MALRD1: variants seen among roughly 807,000 people sequenced by gnomAD.
MALRD1 encodes MAM and LDL receptor class A domain containing 1.
MALRD1 carries 247 observed loss-of-function variants against 242.1 expected under a neutral mutation model. The observed-to-expected ratio is 1.02, with a 90% CI of 0.92 to 1.13. The LOEUF (loss-of-function observed/expected upper bound fraction) is 1.13. Among genes scored for constraint, MALRD1 ranks in the 50% most tolerant of loss-of-function variants. MALRD1 has a pLI of 0.00. For synonymous variants in MALRD1, 995 were observed against 866.6 expected, an observed-to-expected ratio of 1.15 and a Z score of -2.60; for missense variants, 2,989 against 2,533.1, an observed-to-expected ratio of 1.18 and a Z score of -3.86.
chr10:19,341,768 T>C (rs1214324082), intron 24 of MALRD1, among the ~76,000 whole-genome samples: 1 of 152,036 alleles, frequency 6.6e-6, no homozygotes, highest in Non-Finnish European at 1.5e-5. Flanking sequence ...ATATGCGATG[T>C]AACTGAAGGA....
intron 10 of MALRD1, among the ~76,000 whole-genome samples, chr10:19,141,940 A>T (rs1833557888): frequency 6.6e-6 from 1 of 151,986 alleles, no homozygotes; most frequent in Admixed American, 6.6e-5. Flanking sequence ...TGGGAGGCCG[A>T]GGCGGGTGGA....
At chr10:19,689,081 T>G (rs1842717048) in intron 36 of MALRD1, among the ~76,000 whole-genome samples, 2 of 152,188 alleles carry the variant, frequency 1.3e-5, no homozygotes, top group African/African-American at 4.8e-5. Flanking sequence ...GGAGATAATT[T>G]CTAAAAATAA....
intron 26 of MALRD1, among the ~76,000 whole-genome samples, chr10:19,365,826 A>C (rs1281796078): frequency 2.6e-5 from 4 of 152,018 alleles, no homozygotes; most frequent in Non-Finnish European, 5.9e-5. Flanking sequence ...TATAAATTCA[A>C]CTCCACCAAA....
intron 28 of MALRD1, among the ~76,000 whole-genome samples, chr10:19,448,775 GTTAC>G (rs981773613): frequency 6.6e-6 from 1 of 151,686 alleles, no homozygotes; most frequent in African/African-American, 2.4e-5. Context: ...AATCATAGTT[GTTAC>G]TTATATAATA....
intron 14 of MALRD1, among the ~76,000 whole-genome samples, chr10:19,188,626 C>A: frequency 6.6e-6 from 1 of 152,032 alleles, no homozygotes. Flanking sequence ...TACGGAGCTA[C>A]CTTGTTTAAT....
intron 32 of MALRD1, among the ~76,000 whole-genome samples, chr10:19,540,988 T>G (rs1834943177): frequency 6.6e-6 from 1 of 152,042 alleles, no homozygotes; most frequent in African/African-American, 2.4e-5. Flanking sequence ...AAAATGAAAC[T>G]AATTAAGTGG....
intron 31 of MALRD1, among the ~76,000 whole-genome samples, chr10:19,510,038 G>C (rs1490776149): frequency 6.6e-6 from 1 of 152,142 alleles, no homozygotes; most frequent in East Asian, 1.9e-4. Context: ...GGACAATAGG[G>C]TAATAGTGGA....
At chr10:19,395,575 T>A (rs1263351624) in intron 28 of MALRD1, among the ~76,000 whole-genome samples, 4 of 152,170 alleles carry the variant, frequency 2.6e-5, no homozygotes, top group African/African-American at 9.7e-5. Context: ...AGGTTTTCCC[T>A]AAGCAGTTCC....
In MALRD1 at chr10:19,086,865, T is replaced by G. The variant is rs1835685512; in HGVS notation, c.341-975T>G. On this transcript the variant is annotated intron_variant, in intron 2 of 39. Coordinates refer to ENST00000454679, the MANE Select transcript of MALRD1 (RefSeq NM_001142308.3). ...AGAATGTTTCTGTGTCTCTTTGTCT[T>G]GCTTATCTGAGAGGGAGAGTTTTGT... 2.0e-5 allele frequency among the ~76,000 whole-genome samples: 3 copies of G among 152,032 alleles called. No individual in the cohort carries two copies. In the South Asian group the frequency reaches 6.2e-4, roughly 31 times the overall value.
chr10:19,134,260 A>G (rs1833239220), intron 9 of MALRD1, among the ~76,000 whole-genome samples: 1 of 152,342 alleles, frequency 6.6e-6, no homozygotes, highest in East Asian at 1.9e-4. Flanking sequence ...GTAGGTAAAT[A>G]GTAAACTGGT....
At chr10:19,295,604 A>C (rs1450613003) in intron 21 of MALRD1, among the ~76,000 whole-genome samples, 1 of 152,086 alleles carries the variant, frequency 6.6e-6, no homozygotes, top group Non-Finnish European at 1.5e-5. Context: ...CTGGAAGTTA[A>C]AAAATTAATT....
chr10:19,511,277 T>A (rs1441605183), intron 31 of MALRD1, among the ~76,000 whole-genome samples: 1 of 152,198 alleles, frequency 6.6e-6, no homozygotes, highest in East Asian at 1.9e-4. Flanking sequence ...CACATTGGCC[T>A]CTTTTTGAGA....
chr10:19,535,287 A>T (rs1187703480), intron 32 of MALRD1, among the ~76,000 whole-genome samples: 1 of 152,140 alleles, frequency 6.6e-6, no homozygotes, highest in Admixed American at 6.6e-5. Flanking sequence ...TCATACGGAA[A>T]CACTGTAGAA....
intron 36 of MALRD1, among the ~76,000 whole-genome samples, chr10:19,627,256 A>G (rs541017439): frequency 6.6e-6 from 1 of 152,288 alleles, no homozygotes; most frequent in East Asian, 1.9e-4. Flanking sequence ...GGAAAATAGC[A>G]TACAAGAATA....
chr10:19,686,131 A>C (rs1363987011), intron 36 of MALRD1, among the ~76,000 whole-genome samples: 1 of 152,190 alleles, frequency 6.6e-6, no homozygotes, highest in African/African-American at 2.4e-5. Context: ...GGCAAGTTTT[A>C]GAGCAGGAGT....
At chr10:19,056,936 G>T (rs931368053) in intron 1 of MALRD1, among the ~76,000 whole-genome samples, 2 of 152,062 alleles carry the variant, frequency 1.3e-5, no homozygotes, top group Non-Finnish European at 2.9e-5. Flanking sequence ...TGATTATATG[G>T]TTTTTATCCT....
chr10:19,167,726 G>A (rs1464231785), intron 13 of MALRD1, among the ~76,000 whole-genome samples: 1 of 152,064 alleles, frequency 6.6e-6, no homozygotes, highest in Non-Finnish European at 1.5e-5. Context: ...CCCAATAGTG[G>A]GTGTTGAATG....
Position 19,524,080 on chromosome 10 carries a change from A to T in MALRD1, c.5321-7114A>T, listed in dbSNP as rs532647923. Among the ~76,000 whole-genome samples the T allele has an allele frequency of 3.2e-4, 48 of 152,338 alleles. No individual in the cohort carries two copies. The South Asian group carries it at 9.9e-3, about 32-fold the overall frequency. The stretch of plus-strand genomic sequence containing the variant: ...ATTTTTATCAAATGCTATGAGAAAA[A>T]TTCATTCGTCTCCAGAAACACTGCA... On this transcript the variant is annotated intron_variant, in intron 31 of 39. Coordinates refer to ENST00000454679, the MANE Select transcript of MALRD1 (RefSeq NM_001142308.3).
chr10:19,570,971 G>A (rs1836504997), intron 33 of MALRD1, among the ~76,000 whole-genome samples: 2 of 152,024 alleles, frequency 1.3e-5, no homozygotes, highest in South Asian at 4.1e-4. Context: ...TGGGTTAATT[G>A]TTGTTTTAAT....
Sources: gnomAD v4.1 joint callset for allele counts (sites outside exome capture counted in the v4.1 genomes callset) on GRCh38, gnomAD v4.1.1 for gene constraint, MANE v1.5 for transcripts, NCBI Gene and HGNC (gene_info 2026-07-23, HGNC 2026-07-21) for gene names.